SCIN: variants seen among roughly 807,000 people sequenced by gnomAD.
SCIN encodes scinderin, also known as adseverin.
A neutral mutation model predicts 91.8 loss-of-function variants in SCIN; 91 were observed. That is an observed-to-expected ratio of 0.99 (90% CI 0.84 to 1.18). The LOEUF is 1.18. SCIN is among the 50% of genes most tolerant of loss of function. The pLI, the probability that SCIN is intolerant of heterozygous loss-of-function variation, is 0.00. For synonymous variants in SCIN, 367 were observed against 312.6 expected (o/e 1.17, Z -1.84); for missense variants, 1,087 against 863.9 (o/e 1.26, Z -3.24).
At chr7:12,597,145 C>T (rs1336145920) in intron 3 of SCIN, among the ~76,000 whole-genome samples, 2 of 152,100 alleles carry the variant, frequency 1.3e-5, no homozygotes, top group East Asian at 3.9e-4. Flanking sequence ...TATAAAGAAA[C>T]ATTTGTTTAT....
At chr7:12,577,984 C>A (rs1419943281) in intron 1 of SCIN, 80 bp from the exon 2 acceptor site, 1 of 1,294,456 alleles carries the variant, frequency 7.7e-7, no homozygotes, top group Non-Finnish European at 1.0e-6. Context: ...ATGAAAATTT[C>A]TGACTTCTTT....
chr7:12,607,926 T>A (rs1783111676), intron 4 of SCIN, among the ~76,000 whole-genome samples: 1 of 152,188 alleles, frequency 6.6e-6, no homozygotes, highest in African/African-American at 2.4e-5. Flanking sequence ...CAACTTTATT[T>A]TCACTAACCT....
intron 3 of SCIN, among the ~76,000 whole-genome samples, chr7:12,597,261 AGATACATCTTAAT>A (rs1396888437): frequency 6.6e-6 from 1 of 152,256 alleles, no homozygotes; most frequent in Non-Finnish European, 1.5e-5. Flanking sequence ...TCTAGGCTAA[AGATACATCTTAAT>A]GAATTTCTAT....
At chr7:12,571,403 C>T (rs1782268360) in intron 1 of SCIN, 1 of 339,912 alleles carries the variant, frequency 2.9e-6, no homozygotes, top group Non-Finnish European at 5.7e-6. Context: ...GAGAGGAAGT[C>T]ATAAAGTCTG....
At chr7:12,571,391 T>G (rs1376502759) in intron 1 of SCIN, 1 of 334,062 alleles carries the variant, frequency 3.0e-6, no homozygotes, top group Non-Finnish European at 5.8e-6. Context: ...CCTGTCGGGA[T>G]GGAGAGGAAG....
chr7:12,635,902 C>G (rs1783741309), intron 9 of SCIN, 143 bp from the exon 10 acceptor site: 1 of 644,282 alleles, frequency 1.6e-6, no homozygotes, highest in Non-Finnish European at 2.7e-6. Flanking sequence ...TTGACAAAAA[C>G]AATAGCTTAA....
At position 12,658,692 on chromosome 7, in the gene SCIN, C is replaced by T. The variant is rs1167946824; in HGVS notation, c.*5977C>T. On this transcript the variant is annotated 3_prime_UTR_variant, in exon 16 of 16. Coordinates refer to ENST00000297029, the MANE Select transcript of SCIN (RefSeq NM_001112706.3). ...GCCAAGACTCTCTTGTATGATTTTC[C>T]TCTCTAGCTTGGGGCTGCACCCTCT... is the stretch of plus-strand genomic sequence containing the variant. The T allele has an allele frequency of 1.3e-5, 2 of 152,162 alleles. No homozygotes were observed. The highest frequency in any genetic ancestry group is 2.9e-5 in the Non-Finnish European group (2 of 68,026). 9.4% of individuals were successfully genotyped at this position (152,162 alleles called of 1,614,324 possible). A position where few individuals can be genotyped will look rare whatever the true frequency, so the allele number is the denominator to read the frequency against.
intron 3 of SCIN, among the ~76,000 whole-genome samples, chr7:12,584,950 A>G (rs542490293): frequency 1.2e-3 from 177 of 152,226 alleles, no homozygotes; most frequent in Non-Finnish European, 2.1e-3. Context: ...GAAGAATTCT[A>G]TTTCCCAGGA....
At chr7:12,630,309 T>A (rs1783615482) in intron 9 of SCIN, among the ~76,000 whole-genome samples, 1 of 152,186 alleles carries the variant, frequency 6.6e-6, no homozygotes, top group African/African-American at 2.4e-5. Context: ...GCCCCACCTT[T>A]GACCCACAAA....
chr7:12,591,608 T>C (rs1297887768), intron 3 of SCIN, among the ~76,000 whole-genome samples: 2 of 152,016 alleles, frequency 1.3e-5, no homozygotes, highest in Admixed American at 6.6e-5. Context: ...TTGGAGTTTG[T>C]GGAAGCTGGG....
intron 3 of SCIN, among the ~76,000 whole-genome samples, chr7:12,600,853 A>G (rs1004759771): frequency 1.3e-5 from 2 of 152,122 alleles, no homozygotes; most frequent in South Asian, 2.1e-4. Flanking sequence ...CTACTCTATT[A>G]TCTGATTTTA....
intron 3 of SCIN, among the ~76,000 whole-genome samples, chr7:12,588,691 C>T (rs1022602172): frequency 1.3e-5 from 2 of 151,618 alleles, no homozygotes; most frequent in South Asian, 2.1e-4. Flanking sequence ...TTTCTCGTGA[C>T]CTCCCCCATG....
intron 4 of SCIN, among the ~76,000 whole-genome samples, chr7:12,608,638 CA>C (rs1290128150): frequency 1.3e-5 from 2 of 151,974 alleles, no homozygotes; most frequent in Admixed American, 6.6e-5. Context: ...CCACCACACC[CA>C]GCTAATTTTT....
At chr7:12,644,837 G>C in intron 13 of SCIN, 132 bp downstream of exon 13, 1 of 756,146 alleles carries the variant, frequency 1.3e-6, no homozygotes, top group South Asian at 1.8e-5. Flanking sequence ...CCAACATGTA[G>C]AAACCGTCTC....
intron 4 of SCIN, among the ~76,000 whole-genome samples, chr7:12,617,980 T>A (rs1783333187): frequency 6.6e-6 from 1 of 152,090 alleles, no homozygotes; most frequent in African/African-American, 2.4e-5. Context: ...TAACTTTCCA[T>A]ATTATAGTAA....
intron 2 of SCIN, among the ~76,000 whole-genome samples, chr7:12,578,654 G>A (rs918987868): frequency 2.6e-4 from 39 of 151,970 alleles, no homozygotes; most frequent in African/African-American, 9.2e-4. Context: ...TATTAATACA[G>A]TATTTATAAT....
At chr7:12,587,233 A>C in intron 3 of SCIN, among the ~76,000 whole-genome samples, 1 of 152,328 alleles carries the variant, frequency 6.6e-6, no homozygotes, top group African/African-American at 2.4e-5. Flanking sequence ...AACTAAAAAT[A>C]AAAAGGAATA....
At chr7:12,604,461 C>G in intron 3 of SCIN, 53 bp from the exon 4 acceptor site, 1 of 1,477,096 alleles carries the variant, frequency 6.8e-7, no homozygotes. Flanking sequence ...TACACTGAGG[C>G]TGAATGTCTT....
chr7:12,641,949 T>C (rs959823290), intron 11 of SCIN, among the ~76,000 whole-genome samples: 1 of 151,898 alleles, frequency 6.6e-6, no homozygotes, highest in African/African-American at 2.4e-5. Flanking sequence ...TGTGTATATA[T>C]TCTCTTTCCC....
Sources: allele counts gnomAD v4.1 joint callset (sites outside exome capture counted in the v4.1 genomes callset), GRCh38; gene constraint gnomAD v4.1.1; transcripts MANE v1.5; gene names NCBI Gene and HGNC (gene_info 2026-07-23, HGNC 2026-07-21).